ETFB: variants seen among roughly 807,000 people sequenced by gnomAD.
ETFB encodes the protein electron transfer flavoprotein subunit beta.
Under a neutral mutation model 25.6 loss-of-function variants are expected in ETFB, and 20 were observed. The observed-to-expected ratio is 0.78, with a 90% CI of 0.55 to 1.14. The LOEUF (loss-of-function observed/expected upper bound fraction) is 1.14, where lower values mean the gene tolerates loss of function less well. ETFB is among the 50% of genes most tolerant of loss of function. ETFB has a pLI of 0.00. For synonymous variants in ETFB, 142 were observed against 146.7 expected (o/e 0.97, Z 0.23); for missense variants, 286 against 342.6 (o/e 0.83, Z 1.30).
rs1414755307 is a variant in ETFB, at chr19:51,350,368, C to T, written c.399G>A (p.Gln133=). The change falls in exon 4 of 6, where the codon CAG becomes CAA. Residue 133 remains glutamine (Q), a synonymous_variant. Coordinates refer to ENST00000309244, the MANE Select transcript of ETFB (RefSeq NM_001985.3). The part of the protein sequence containing the change: ...GKQAIDDDCN[Q]TGQMTAGFLD... ...GAAATCCAGCTGTCATCTGCCCTGT[C>T]TGGTTACAGTCATCATCGATGGCCT... is the stretch of plus-strand genomic sequence containing the variant. 1 of 1,599,018 alleles carries T rather than the reference C, an allele frequency of 6.3e-7. No individual in the cohort carries two copies. Among genetic ancestry groups the T allele is most frequent in the Non-Finnish European group, 8.6e-7 (1 of 1,168,042 alleles).
At chr19:51,365,794 C>T (rs1986346753) in intron 1 of ETFB, among the ~76,000 whole-genome samples, 1 of 152,226 alleles carries the variant, frequency 6.6e-6, no homozygotes, top group South Asian at 2.1e-4. Flanking sequence ...TGGAAAGCAG[C>T]TTCTGGGGCC....
chr19:51,353,032 G>A (rs1244626422), intron 3 of ETFB, 100 bp downstream of exon 3: 1 of 1,448,800 alleles, frequency 6.9e-7, no homozygotes. Flanking sequence ...AGTGGTGAAT[G>A]CCCTGGGCCT....
chr19:51,361,479 A>T (rs929228340), intron 1 of ETFB, among the ~76,000 whole-genome samples: 1 of 152,146 alleles, frequency 6.6e-6, no homozygotes, highest in South Asian at 2.1e-4. Context: ...CCTGTCAGAC[A>T]AGGTGGCCTT....
rs2123590695 is a variant in ETFB at position 51,354,167 on chromosome 19, C to T, written c.199G>A (p.Gly67Arg). 6.2e-7 allele frequency: 1 copy of T among 1,614,098 alleles called. No individual in the cohort carries two copies. Among genetic ancestry groups the T allele is most frequent in the East Asian group, 2.2e-5 (1 of 44,880 alleles). ...LVKEVIAVSC[G>R]PAQCQETIRT... is the part of the protein sequence containing the mutation. ...TTCATCACCTGGCACTGTGCAGGCC[C>T]ACAGCTGACGGCGATGACCTCCTTC... Residue 67 changes from glycine (G) to arginine (R), a missense_variant, in exon 2 of 6, where the codon GGG becomes AGG. Transcript: ENST00000309244.
At chr19:51,358,019 C>G (rs183046441) in intron 1 of ETFB, among the ~76,000 whole-genome samples, 13 of 152,326 alleles carry the variant, frequency 8.5e-5, no homozygotes, top group African/African-American at 3.1e-4. Context: ...CCAGTCAGTA[C>G]ATCAGCCAGA....
Position 51,357,486 on chromosome 19 carries a change from CTTTCTT to C in ETFB, c.58-3184_58-3179del, listed in dbSNP as rs1245225427. ...GCCCACCACAATCCTTTTTTTCTTT[CTTTCTT>C]TTTTTTTTTTTTTTTGAGATGGAGT... On this transcript the variant is annotated intron_variant, in intron 1 of 5. Coordinates refer to ENST00000309244, the MANE Select transcript of ETFB (RefSeq NM_001985.3). Among the ~76,000 whole-genome samples, 201 of 100,770 alleles carry C rather than the reference CTTTCTT, an allele frequency of 2.0e-3. 2 individuals carry two copies. The highest frequency in any genetic ancestry group is 6.1e-3 in the African/African-American group (155 of 25,582). The allele number at this position is 100,770 out of a possible 152,430, so 66.1% of individuals were successfully genotyped here.
chr19:51,360,133 G>A (rs1384976716), intron 1 of ETFB, among the ~76,000 whole-genome samples: 2 of 152,024 alleles, frequency 1.3e-5, no homozygotes, highest in Non-Finnish European at 2.9e-5. Flanking sequence ...TGGGCGTGGC[G>A]GCTCACACCT....
In ETFB at chr19:51,351,020, C is replaced by T. The variant is rs544044608; in HGVS notation, c.376-629G>A. Among the ~76,000 whole-genome samples the T allele has an allele frequency of 4.6e-5, 7 of 152,372 alleles. 1 individual carries two copies. The South Asian group carries it at 1.4e-3, about 32-fold the overall frequency. ...CTCACTTGGGCCCAGAGATAAGCAG[C>T]CACTTGTCCAGGGACATGTGGGGCC... On this transcript the variant is annotated intron_variant, in intron 3 of 5. Transcript: ENST00000309244.
rs573316444 is a variant in ETFB at position 51,359,515 on chromosome 19, TC to T, written c.58-5208del. Among the ~76,000 whole-genome samples the T allele has an allele frequency of 1.4e-3, 220 of 152,082 alleles. 1 individual carries two copies. Among genetic ancestry groups the T allele is most frequent in the Middle Eastern group, 6.8e-3 (2 of 294 alleles). ...CATCTTGCTCTTGCTCTGGCAGAAC[TC>T]CCAGCCCTAAGCTCCTGATTCCCAG... is the stretch of plus-strand genomic sequence containing the variant. On this transcript the variant is annotated intron_variant, in intron 1 of 5. Transcript: ENST00000309244.
chr19:51,361,696 G>GTTT (rs1568470352), intron 1 of ETFB: 72 of 125,844 alleles, frequency 5.7e-4, no homozygotes, highest in African/African-American at 2.2e-3. Context: ...GCCTCTCCTG[G>GTTT]GTTTTTTTTT....
intron 1 of ETFB, among the ~76,000 whole-genome samples, chr19:51,362,986 A>T (rs560355847): frequency 6.6e-6 from 1 of 152,140 alleles, no homozygotes; most frequent in Non-Finnish European, 1.5e-5. Context: ...CACCTCCTTC[A>T]TGGAGAATGT....
chr19:51,354,474 T>C lies in ETFB; in HGVS notation c.58-166A>G, dbSNP rs138412625. ...CCAGGGACAGAACTGGGTTAGAGTT[T>C]GTAGGCAGGGGCAGGTCACCCTGTC... is the stretch of plus-strand genomic sequence containing the variant. On this transcript the variant is annotated intron_variant, in intron 1 of 5. Coordinates refer to ENST00000309244, the MANE Select transcript of ETFB (RefSeq NM_001985.3). 1.1e-4 allele frequency: 179 copies of C among 1,614,150 alleles called. 3 individuals are homozygous for C. In the East Asian group the frequency reaches 3.9e-3, roughly 35 times the overall value.
intron 1 of ETFB, among the ~76,000 whole-genome samples, chr19:51,360,327 G>A (rs1050588798): frequency 2.6e-5 from 4 of 151,398 alleles, no homozygotes; most frequent in Admixed American, 6.6e-5. Flanking sequence ...ACTTGAACCC[G>A]GGAGGTGGAG....
Position 51,353,165 on chromosome 19 carries a change from C to T in ETFB, c.342G>A (p.Lys114=). ...CCAGCAGCACCAGGTCCACCTTCTC[C>T]TTCTCTGCCAGCTTGGCCAGGACCC... ...VARVLAKLAE[K]EKVDLVLLGK... The change falls in exon 3 of 6, where the codon AAG becomes AAA. Residue 114 remains lysine (K), a synonymous_variant. Coordinates refer to ENST00000309244, the MANE Select transcript of ETFB (RefSeq NM_001985.3). 1 of 1,614,140 alleles carries T rather than the reference C, an allele frequency of 6.2e-7. No homozygotes were observed. The highest frequency in any genetic ancestry group is 8.5e-7 in the Non-Finnish European group (1 of 1,179,994).
intron 1 of ETFB, among the ~76,000 whole-genome samples, chr19:51,358,377 A>C (rs1388128049): frequency 1.3e-5 from 2 of 152,118 alleles, no homozygotes; most frequent in Non-Finnish European, 2.9e-5. Context: ...TAAAAGATGG[A>C]GGACTGAGAC....
intron 3 of ETFB, among the ~76,000 whole-genome samples, chr19:51,351,483 G>A (rs1019047805): frequency 8.5e-5 from 13 of 152,316 alleles, no homozygotes; most frequent in East Asian, 1.9e-4. Flanking sequence ...CAGTTCATCC[G>A]GCATTTCCCC....
At chr19:51,360,029 A>G (rs1986182055) in intron 1 of ETFB, among the ~76,000 whole-genome samples, 1 of 151,826 alleles carries the variant, frequency 6.6e-6, no homozygotes, top group Non-Finnish European at 1.5e-5. Context: ...GAAAAAAAAA[A>G]AGTTTTATAA....
intron 2 of ETFB, among the ~76,000 whole-genome samples, chr19:51,353,905 G>C (rs10409885): frequency 0.038 from 79 of 2,060 alleles, 17 homozygotes; most frequent in African/African-American, 0.25. Context: ...GGAGTCCAGG[G>C]CCCCATCCCC....
intron 1 of ETFB, chr19:51,356,285 T>C (rs1986077183): frequency 6.6e-6 from 1 of 152,112 alleles, no homozygotes; most frequent in Admixed American, 6.6e-5. Context: ...CGAGCTCGGA[T>C]AACACCTTAG....
Sources: allele counts gnomAD v4.1 joint callset (sites outside exome capture counted in the v4.1 genomes callset), GRCh38; gene constraint gnomAD v4.1.1; transcripts MANE v1.5; gene names NCBI Gene and HGNC (gene_info 2026-07-23, HGNC 2026-07-21).